The following PIBF1 variants were observed in gnomAD, a reference collection of about 807,000 sequenced individuals.
The protein encoded by PIBF1 is progesterone immunomodulatory binding factor 1, also known as progesterone-induced-blocking factor 1.
Under a neutral mutation model 112.5 loss-of-function variants are expected in PIBF1, and 90 were observed. The ratio of observed to expected loss-of-function variants is 0.80; its 90% CI spans 0.67 to 0.95. PIBF1 has a LOEUF of 0.95. Among genes scored for constraint, PIBF1 ranks in the 40% least tolerant of loss-of-function variants. The probability of loss-of-function intolerance (pLI) is 0.00; values close to 1 mark genes in which losing one functional copy is unlikely to be tolerated. For synonymous variants in PIBF1, 301 were observed against 288.6 expected, an observed-to-expected ratio of 1.04 and a Z score of -0.44; for missense variants, 915 against 852.3, an observed-to-expected ratio of 1.07 and a Z score of -0.92.
At chr13:72,908,125 G>A (rs1215357510) in intron 11 of PIBF1, among the ~76,000 whole-genome samples, 2 of 152,134 alleles carry the variant, frequency 1.3e-5, no homozygotes, top group East Asian at 1.9e-4. Context: ...GAAAATTGAA[G>A]GATTTATTGT....
chr13:72,861,141 A>T (rs1392946074), intron 10 of PIBF1, among the ~76,000 whole-genome samples: 2 of 152,148 alleles, frequency 1.3e-5, no homozygotes, highest in African/African-American at 4.8e-5. Context: ...ATTTAAAAAA[A>T]TATATTCTAT....
At chr13:72,904,202 A>G (rs1231650616) in intron 11 of PIBF1, among the ~76,000 whole-genome samples, 2 of 151,960 alleles carry the variant, frequency 1.3e-5, no homozygotes, top group African/African-American at 4.8e-5. Flanking sequence ...TTTTACAGTT[A>G]CAAAAATATG....
At chr13:72,944,583 A>G (rs1566476423) in intron 14 of PIBF1, among the ~76,000 whole-genome samples, 1 of 152,224 alleles carries the variant, frequency 6.6e-6, no homozygotes, top group Non-Finnish European at 1.5e-5. Flanking sequence ...TTGCATACAA[A>G]CTAAGCATTT....
At chr13:72,796,228 A>G (rs2035185772) in intron 4 of PIBF1, among the ~76,000 whole-genome samples, 1 of 152,128 alleles carries the variant, frequency 6.6e-6, no homozygotes. Context: ...AACAGTCATG[A>G]GAGAATGAGA....
At chr13:72,937,211 T>C (rs1364783255) in intron 14 of PIBF1, among the ~76,000 whole-genome samples, 2 of 152,210 alleles carry the variant, frequency 1.3e-5, no homozygotes, top group African/African-American at 4.8e-5. Context: ...GTTTTCTGTT[T>C]GGCCCATCTA....
At chr13:72,924,788 A>G (rs913745439) in intron 13 of PIBF1, among the ~76,000 whole-genome samples, 7 of 152,090 alleles carry the variant, frequency 4.6e-5, no homozygotes, top group African/African-American at 1.4e-4. Flanking sequence ...AGGGGATAAG[A>G]CTCCTGTCAT....
At chr13:72,928,008 T>TATATATAC in intron 13 of PIBF1, among the ~76,000 whole-genome samples, 1 of 68,928 alleles carries the variant, frequency 1.5e-5, no homozygotes, top group Non-Finnish European at 2.6e-5. Flanking sequence ...TATATATACA[T>TATATATAC]ATATATACAT....
At chr13:72,924,889 A>G (rs757410500) in intron 13 of PIBF1, among the ~76,000 whole-genome samples, 3 of 152,210 alleles carry the variant, frequency 2.0e-5, no homozygotes, top group Non-Finnish European at 4.4e-5. Flanking sequence ...GGGTTAGGCT[A>G]TGTCAGTCAG....
intron 13 of PIBF1, among the ~76,000 whole-genome samples, chr13:72,920,118 G>T (rs567773080): frequency 6.6e-6 from 1 of 152,268 alleles, no homozygotes; most frequent in African/African-American, 2.4e-5. Flanking sequence ...ATAGAGGTTG[G>T]TTTTTAATAT....
chr13:72,900,504 A>G (rs2040445202), intron 11 of PIBF1, among the ~76,000 whole-genome samples: 1 of 152,198 alleles, frequency 6.6e-6, no homozygotes, highest in Admixed American at 6.5e-5. Flanking sequence ...TGGGGAAAGG[A>G]CACCCTTTTC....
intron 10 of PIBF1, among the ~76,000 whole-genome samples, chr13:72,867,792 A>G (rs2038988646): frequency 6.6e-6 from 1 of 152,210 alleles, no homozygotes; most frequent in African/African-American, 2.4e-5. Context: ...ATTTTTTGTA[A>G]AAAGTAGAAA....
rs571796152 is a variant in PIBF1, at chr13:72,793,970, G to A, written c.354-1389G>A. ...TCTGGGGATCATTAGGCTATAGACA[G>A]TATTCAAGTCATGAGACTAGATGAA... On this transcript the variant is annotated intron_variant, in intron 3 of 17. Coordinates refer to ENST00000326291, the MANE Select transcript of PIBF1 (RefSeq NM_006346.4). 7.1e-4 allele frequency among the ~76,000 whole-genome samples: 108 copies of A among 152,300 alleles called. 1 individual carries two copies. Among genetic ancestry groups the A allele is most frequent in the African/African-American group, 2.6e-3 (108 of 41,558 alleles).
At position 72,797,862 on chromosome 13, in the gene PIBF1, T is replaced by A. The variant is rs772011912; in HGVS notation, c.553-45T>A. 4 of 1,471,086 alleles carry A rather than the reference T, an allele frequency of 2.7e-6. No individual in the cohort carries two copies. In the South Asian group the frequency reaches 5.4e-5, roughly 20 times the overall value. 91.1% of individuals were successfully genotyped at this position (1,471,086 alleles called of 1,614,324 possible). A position where few individuals can be genotyped will look rare whatever the true frequency, so the allele number is the denominator to read the frequency against. On this transcript the variant is annotated intron_variant, in intron 4 of 17. Transcript: ENST00000326291. ...AGCACTACAAATTACAAATTTTAAT[T>A]GTAATTTGGATTTAAGACTGCTTAT...
intron 10 of PIBF1, among the ~76,000 whole-genome samples, chr13:72,871,211 G>GA (rs932257538): frequency 1.3e-5 from 2 of 151,974 alleles, no homozygotes; most frequent in Admixed American, 6.6e-5. Context: ...CCCTCACAAA[G>GA]AAAAAAATTT....
chr13:72,850,204 C>T (rs1477911480), intron 9 of PIBF1, among the ~76,000 whole-genome samples: 1 of 152,112 alleles, frequency 6.6e-6, no homozygotes, highest in Non-Finnish European at 1.5e-5. Flanking sequence ...TGTGAGAGGA[C>T]CTCTTGGTAG....
intron 11 of PIBF1, among the ~76,000 whole-genome samples, chr13:72,898,803 G>A (rs984642960): frequency 1.0e-4 from 15 of 150,136 alleles, no homozygotes; most frequent in East Asian, 5.9e-4. Context: ...AGCAGAGATC[G>A]TACCATTGCA....
intron 10 of PIBF1, among the ~76,000 whole-genome samples, chr13:72,867,506 C>T (rs1241085787): frequency 6.6e-6 from 1 of 152,124 alleles, no homozygotes; most frequent in African/African-American, 2.4e-5. Flanking sequence ...TCTATGTTCT[C>T]TTTTCAGCAC....
At chr13:72,947,487 T>C (rs923333135) in intron 14 of PIBF1, among the ~76,000 whole-genome samples, 9 of 152,212 alleles carry the variant, frequency 5.9e-5, no homozygotes, top group African/African-American at 2.2e-4. Flanking sequence ...AACATTTTGC[T>C]CCTTGTTACA....
At chr13:72,875,286 A>T (rs1414975981) in intron 10 of PIBF1, among the ~76,000 whole-genome samples, 1 of 152,168 alleles carries the variant, frequency 6.6e-6, no homozygotes, top group Non-Finnish European at 1.5e-5. Flanking sequence ...GGTGTATCAC[A>T]GTTCATCTGT....
Sources: allele counts gnomAD v4.1 joint callset (sites outside exome capture counted in the v4.1 genomes callset), GRCh38; gene constraint gnomAD v4.1.1; transcripts MANE v1.5; gene names NCBI Gene and HGNC (gene_info 2026-07-23, HGNC 2026-07-21).